Variants in CFB observed in about 807,000 individuals in gnomAD.
The protein encoded by CFB is B-factor, properdin.
CFB carries 59 observed loss-of-function variants against 97.2 expected under a neutral mutation model. The observed-to-expected ratio is 0.61, with a 90% CI of 0.49 to 0.75. The LOEUF (loss-of-function observed/expected upper bound fraction) is 0.75. CFB is among the 30% of genes least tolerant of loss of function. The pLI, the probability that CFB is intolerant of heterozygous loss-of-function variation, is 0.00. For synonymous variants in CFB, 316 were observed against 351.7 expected (o/e 0.90, Z 1.14); for missense variants, 771 against 959.8 (o/e 0.80, Z 2.60).
rs1415079642 is a variant in CFB, at chr6:31,947,320, CT to C, written c.485-26del. On this transcript the variant is annotated intron_variant, in intron 3 of 17. Coordinates refer to ENST00000425368, the MANE Select transcript of CFB (RefSeq NM_001710.6). The surrounding 1 kb of genome is among the most constrained non-coding windows in gnomAD (Gnocchi z 5.3). ...GCTCACGGGGCCTCAGGCTTCAGTGCTTACCTCGATGTCTCATACCTCTGCA... is the reference window on the plus strand; with the variant it reads ...GCTCACGGGGCCTCAGGCTTCAGTGCTACCTCGATGTCTCATACCTCTGCA... 2 of 1,612,850 alleles carry C rather than the reference CT, an allele frequency of 1.2e-6. No homozygotes were observed. Among genetic ancestry groups the C allele is most frequent in the East Asian group, 2.2e-5 (1 of 44,884 alleles).
Position 31,947,760 on chromosome 6 carries a change from C to T in CFB, c.677C>T (p.Thr226Ile), listed in dbSNP as rs763140485. Residue 226 changes from threonine to isoleucine, a missense_variant, in exon 5 of 18, where the codon ACC becomes ATC. By Grantham distance (89) the Thr-to-Ile change is moderately conservative. Coordinates refer to ENST00000425368, the MANE Select transcript of CFB (RefSeq NM_001710.6). The surrounding 1 kb of genome is among the most constrained non-coding windows in gnomAD (Gnocchi z 5.3). Reference protein sequence around the residue: ...PSCQDSFMYDTPQEVAEAFLS... With the variant: ...PSCQDSFMYDIPQEVAEAFLS... The stretch of plus-strand genomic sequence containing the variant: ...CTCCCAGACTCCTTCATGTACGACA[C>T]CCCTCAAGAGGTGGCCGAAGCTTTC... 3.7e-6 allele frequency: 6 copies of T among 1,613,042 alleles called. No individual in the cohort carries two copies. Among genetic ancestry groups the T allele is most frequent in the Non-Finnish European group, 5.1e-6 (6 of 1,180,034 alleles).
Position 31,951,976 on chromosome 6 carries a change from A to G in CFB, c.2241A>G (p.Gln747=). 1.9e-6 allele frequency: 3 copies of G among 1,613,090 alleles called. No homozygotes were observed. In the South Asian group the frequency reaches 3.3e-5, roughly 18 times the overall value. ...GAGACTTTCACATCAACCTCTTTCA[A>G]GTGCTGCCCTGGCTGAAGGAGAAAC... ...HARDFHINLF[Q]VLPWLKEKLQ... Residue 747 remains glutamine, a synonymous_variant, in exon 18 of 18, where the codon CAA becomes CAG. Transcript: ENST00000425368. This position sits in a 1 kb window ranked among gnomAD's most constrained non-coding sequence, Gnocchi z 4.3.
chr6:31,949,677 T>G, intron 10 of CFB, 120 bp downstream of exon 10: 21 of 1,188,268 alleles, frequency 1.8e-5, no homozygotes, highest in Non-Finnish European at 2.4e-5. Flanking sequence ...CCTCCTTCTC[T>G]ACCTCAGTGT....
rs765541006 is a variant in CFB at position 31,947,541 on chromosome 6, C to T, written c.658+20C>T. ...GCCAAGGTGACCTTTGACCTGTACC[C>T]CCAGGTCAGATCCTGGTCTTCCATC... On this transcript the variant is annotated intron_variant, in intron 4 of 17. Coordinates refer to ENST00000425368, the MANE Select transcript of CFB (RefSeq NM_001710.6). This position sits in a 1 kb window ranked among gnomAD's most constrained non-coding sequence, Gnocchi z 5.3. 2 of 1,612,304 alleles carry T rather than the reference C, an allele frequency of 1.2e-6. No individual in the cohort carries two copies.
rs28571956 is a variant in CFB at position 31,949,135 on chromosome 6, A to G, written c.1169-108A>G. ...GGAATTCTTCCTAAGCCCTGTGATC[A>G]ACTATCTCTAACCCTTCCTCAACTT... On this transcript the variant is annotated intron_variant, in intron 8 of 17. Coordinates refer to ENST00000425368, the MANE Select transcript of CFB (RefSeq NM_001710.6). The G allele has an allele frequency of 5.4e-3, 7,697 of 1,423,048 alleles. 98 individuals are homozygous for G. The highest frequency in any genetic ancestry group is 0.038 in the East Asian group (1,618 of 42,616). The allele number at this position is 1,423,048 out of a possible 1,614,324, so 88.2% of individuals were successfully genotyped here.
Position 31,947,653 on chromosome 6 carries a change from T to C in CFB, c.659-89T>C, listed in dbSNP as rs1771523134. On this transcript the variant is annotated intron_variant, in intron 4 of 17. Coordinates refer to ENST00000425368, the MANE Select transcript of CFB (RefSeq NM_001710.6). This position sits in a 1 kb window ranked among gnomAD's most constrained non-coding sequence, Gnocchi z 5.3. The stretch of plus-strand genomic sequence containing the variant: ...ACAACTATCTCACTTCTGAGCCTTT[T>C]ATACCCTGGAAACCCATGATCCCCC... 6.3e-7 allele frequency: 1 copy of C among 1,578,514 alleles called. No individual in the cohort carries two copies. Among genetic ancestry groups the C allele is most frequent in the African/African-American group, 1.3e-5 (1 of 74,244 alleles).
chr6:31,949,721 C>T, intron 10 of CFB, 164 bp downstream of exon 10: 1 of 893,000 alleles, frequency 1.1e-6, no homozygotes, highest in Non-Finnish European at 1.7e-6. Context: ...GTTCACTTAA[C>T]CTTAGAATCA....
In CFB at chr6:31,949,401, C is replaced by T. The variant is rs1771619783; in HGVS notation, c.1271-19C>T. 6.2e-7 allele frequency: 1 copy of T among 1,614,120 alleles called. No individual in the cohort carries two copies. The highest frequency in any genetic ancestry group is 1.3e-5 in the African/African-American group (1 of 74,936). On this transcript the variant is annotated intron_variant, in intron 9 of 17. Coordinates refer to ENST00000425368, the MANE Select transcript of CFB (RefSeq NM_001710.6). The stretch of plus-strand genomic sequence containing the variant: ...CTTCCTCAGGGCTTGGACCCTCATC[C>T]TTCCTTTTTATCCCTCAGATGTCTA...
In CFB at chr6:31,949,306, T is replaced by C; in HGVS notation, c.1232T>C (p.Ile411Thr). 2 of 1,614,200 alleles carry C rather than the reference T, an allele frequency of 1.2e-6. No homozygotes were observed. Among genetic ancestry groups the C allele is most frequent in the South Asian group, 1.1e-5 (1 of 91,082 alleles). Residue 411 changes from isoleucine (I) to threonine (T), a missense_variant, in exon 9 of 18, where the codon ATT becomes ACT. Coordinates refer to ENST00000425368, the MANE Select transcript of CFB (RefSeq NM_001710.6). ...GATGAGATCCGGGACTTGCTATACATTGGCAAGGATCGCAAAAACCCAAGG... is the reference window on the plus strand; with the variant it reads ...GATGAGATCCGGGACTTGCTATACACTGGCAAGGATCGCAAAAACCCAAGG... Reference protein sequence around the residue: ...VIDEIRDLLYIGKDRKNPRED... With the variant: ...VIDEIRDLLYTGKDRKNPRED...
chr6:31,947,349 G>A lies in CFB; in HGVS notation c.486G>A (p.Ala162=), dbSNP rs1236374120. 8.1e-6 allele frequency: 13 copies of A among 1,612,838 alleles called. 1 individual carries two copies. Among genetic ancestry groups the A allele is most frequent in the East Asian group, 4.5e-5 (2 of 44,888 alleles). ...SGQTAICDNG[A]GYCSNPGIPI... ...CCTCGATGTCTCATACCTCTGCAGC[G>A]GGGTACTGCTCCAACCCGGGCATCC... is the stretch of plus-strand genomic sequence containing the variant. The change falls in exon 4 of 18, where the codon GCG becomes GCA. Residue 162 remains alanine, a splice_region_variant and synonymous_variant. Transcript: ENST00000425368. The surrounding 1 kb of genome is among the most constrained non-coding windows in gnomAD (Gnocchi z 5.3).
chr6:31,949,669 TCCTTCTCTA>T, intron 10 of CFB, 112 bp downstream of exon 10: 1 of 1,291,840 alleles, frequency 7.7e-7, no homozygotes, highest in Non-Finnish European at 1.1e-6. Context: ...TCTTCATTCC[TCCTTCTCTA>T]CCTCAGTGTC....
rs1016623268 is a variant in CFB, at chr6:31,946,935, C to T, written c.299-72C>T. The T allele has an allele frequency of 9.7e-5, 147 of 1,512,018 alleles. No homozygotes were observed. The highest frequency in any genetic ancestry group is 1.1e-4 in the Non-Finnish European group (122 of 1,089,380). 93.7% of individuals were successfully genotyped at this position (1,512,018 alleles called of 1,614,324 possible). On this transcript the variant is annotated intron_variant, in intron 2 of 17. Transcript: ENST00000425368. This position sits in a 1 kb window ranked among gnomAD's most constrained non-coding sequence, Gnocchi z 6.4. ...CGCTGTTTCTCAGTGACATGGTCTC[C>T]GAGACCAGGAGGGATACACCTAAGG...
Position 31,947,383 on chromosome 6 carries a change from A to G in CFB, c.520A>G (p.Thr174Ala). 6.2e-7 allele frequency: 1 copy of G among 1,612,988 alleles called. No individual in the cohort carries two copies. The highest frequency in any genetic ancestry group is 8.5e-7 in the Non-Finnish European group (1 of 1,180,008). Residue 174 changes from threonine to alanine, a missense_variant, in exon 4 of 18, where the codon ACA becomes GCA. By Grantham distance (58) the Thr-to-Ala change is moderately conservative. Coordinates refer to ENST00000425368, the MANE Select transcript of CFB (RefSeq NM_001710.6). The surrounding 1 kb of genome is among the most constrained non-coding windows in gnomAD (Gnocchi z 5.3). ...CTCCAACCCGGGCATCCCCATTGGC[A>G]CAAGGAAGGTGGGCAGCCAGTACCG... is the stretch of plus-strand genomic sequence containing the variant. The part of the protein sequence containing the change: ...YCSNPGIPIG[T>A]RKVGSQYRLE...
Position 31,949,321 on chromosome 6 carries a change from A to G in CFB, c.1247A>G (p.Lys416Arg). ...TTGCTATACATTGGCAAGGATCGCAAAAACCCAAGGGAGGATTATCTGGGT... is the reference window on the plus strand; with the variant it reads ...TTGCTATACATTGGCAAGGATCGCAGAAACCCAAGGGAGGATTATCTGGGT... ...RDLLYIGKDR[K>R]NPREDYLDVY... The change falls in exon 9 of 18, where the codon AAA (lysine) becomes AGA (arginine). Residue 416 changes from lysine (K) to arginine (R), a missense_variant. Physicochemically the swap from Lys to Arg is conservative, Grantham distance 26 (BLOSUM62 2). Transcript: ENST00000425368. The G allele has an allele frequency of 1.2e-6, 2 of 1,614,152 alleles. No homozygotes were observed. Among genetic ancestry groups the G allele is most frequent in the Non-Finnish European group, 8.5e-7 (1 of 1,180,026 alleles).
At chr6:31,948,584 T>C in intron 7 of CFB, 72 bp downstream of exon 7, 2 of 1,600,566 alleles carry the variant, frequency 1.2e-6, no homozygotes, top group Non-Finnish European at 1.7e-6. Context: ...GTCATGAGAC[T>C]ACCTTGAGGG....
rs542289635 is a variant in CFB at position 31,947,634 on chromosome 6, A to C, written c.659-108A>C. ...TTTGTTTAAACCTCCCTGTACAACT[A>C]TCTCACTTCTGAGCCTTTTATACCC... On this transcript the variant is annotated intron_variant, in intron 4 of 17. Coordinates refer to ENST00000425368, the MANE Select transcript of CFB (RefSeq NM_001710.6). The surrounding 1 kb of genome is among the most constrained non-coding windows in gnomAD (Gnocchi z 5.3). 1.3e-5 allele frequency: 21 copies of C among 1,576,530 alleles called. No individual in the cohort carries two copies. Among genetic ancestry groups the C allele is most frequent in the South Asian group, 3.3e-5 (3 of 90,316 alleles).
chr6:31,949,553 G>C lies in CFB; in HGVS notation c.1404G>C (p.Met468Ile). 1 of 1,613,064 alleles carries C rather than the reference G, an allele frequency of 6.2e-7. No individual in the cohort carries two copies. Among genetic ancestry groups the C allele is most frequent in the Admixed American group, 1.7e-5 (1 of 60,030 alleles). ...MENLEDVFYQ[M>I]IDESQSLSLC... ...ACCTGGAAGATGTTTTCTACCAAATGATCGGTAGGGAGATACAAGGGAATA... is the reference window on the plus strand; with the variant it reads ...ACCTGGAAGATGTTTTCTACCAAATCATCGGTAGGGAGATACAAGGGAATA... The change falls in exon 10 of 18, where the codon ATG (methionine) becomes ATC (isoleucine). Residue 468 changes from methionine (M) to isoleucine (I), a missense_variant. By Grantham distance (10) the Met-to-Ile change is conservative. Transcript: ENST00000425368.
At chr6:31,950,184 G>A (rs1394923034) in intron 11 of CFB, 37 bp downstream of exon 11, 15 of 1,610,548 alleles carry the variant, frequency 9.3e-6, no homozygotes, top group Non-Finnish European at 1.3e-5. Flanking sequence ...ACTTGGGGGA[G>A]GTGAGGTCAA....
intron 8 of CFB, 90 bp downstream of exon 8, chr6:31,949,051 G>A (rs1477968809): frequency 6.3e-7 from 1 of 1,587,486 alleles, no homozygotes; most frequent in Non-Finnish European, 8.6e-7. Flanking sequence ...TATACCCATG[G>A]TTGGGGCCCT....
Sources: gnomAD v4.1 joint callset for allele counts on GRCh38, gnomAD v4.1.1 for gene constraint, Gnocchi (gnomAD v3.1) non-coding constraint, MANE v1.5 for transcripts, NCBI Gene and HGNC (gene_info 2026-07-23, HGNC 2026-07-21) for gene names.